UBE4B: variants seen among roughly 807,000 people sequenced by gnomAD.
The protein encoded by UBE4B is ubiquitination factor E4B.
Under a neutral mutation model 148.1 loss-of-function variants are expected in UBE4B, and 27 were observed. The observed-to-expected ratio is 0.18, with a 90% CI of 0.13 to 0.25. The LOEUF (loss-of-function observed/expected upper bound fraction) is 0.25, where lower values mean the gene tolerates loss of function less well. UBE4B is among the 10% of genes least tolerant of loss of function. UBE4B has a pLI of 1.00. For missense variants in UBE4B, 1,170 were observed against 1,662.4 expected, an observed-to-expected ratio of 0.70 and a Z score of 5.15; for synonymous variants, 596 against 619.3, an observed-to-expected ratio of 0.96 and a Z score of 0.56.
At chr1:10,175,598 C>T (rs983224999) in intron 25 of UBE4B, among the ~76,000 whole-genome samples, 1 of 151,976 alleles carries the variant, frequency 6.6e-6, no homozygotes, top group African/African-American at 2.4e-5. Flanking sequence ...TTGCAGTGAG[C>T]CGAGATCGCG....
At chr1:10,093,972 G>T (rs548386245) in intron 2 of UBE4B, among the ~76,000 whole-genome samples, 1 of 152,240 alleles carries the variant, frequency 6.6e-6, no homozygotes, top group Admixed American at 6.5e-5. Context: ...TGAGATTACA[G>T]GCGTGAGCCA....
chr1:10,175,867 A>G (rs1646422124), intron 25 of UBE4B, among the ~76,000 whole-genome samples: 1 of 152,066 alleles, frequency 6.6e-6, no homozygotes, highest in Non-Finnish European at 1.5e-5. Flanking sequence ...AGAAGTAACC[A>G]TTTAAAAGTG....
rs1646292194 is a variant in UBE4B, at chr1:10,168,687, T to C, written c.3333+417T>C. Among the ~76,000 whole-genome samples, 1 of 152,098 alleles carries C rather than the reference T, an allele frequency of 6.6e-6. No individual in the cohort carries two copies. The highest frequency in any genetic ancestry group is 1.5e-5 in the Non-Finnish European group (1 of 67,994). On this transcript the variant is annotated intron_variant, in intron 24 of 27. Coordinates refer to ENST00000343090, the MANE Select transcript of UBE4B (RefSeq NM_001105562.3). This position sits in a 1 kb window ranked among gnomAD's most constrained non-coding sequence, Gnocchi z 4.9. ...GCGGGCAGATCACGAGGTCAGGAGA[T>C]GGAGACCATCCTGGCTAACACAGTG...
At chr1:10,102,852 C>A in intron 4 of UBE4B, 96 bp from the exon 5 acceptor site, 1 of 1,304,644 alleles carries the variant, frequency 7.7e-7, no homozygotes, top group African/African-American at 1.5e-5. Flanking sequence ...AATATCATCA[C>A]TAATAATGAA....
chr1:10,098,360 G>A (rs561647494), intron 3 of UBE4B, among the ~76,000 whole-genome samples: 1 of 152,102 alleles, frequency 6.6e-6, no homozygotes, highest in East Asian at 1.9e-4. Flanking sequence ...TTAATTCATG[G>A]TAATAAGAAA....
At chr1:10,054,589 C>G (rs1644123288) in intron 1 of UBE4B, 2 of 267,828 alleles carry the variant, frequency 7.5e-6, no homozygotes. Context: ...TGATGCTGGC[C>G]TTTAGAGCGC....
intron 19 of UBE4B, among the ~76,000 whole-genome samples, chr1:10,148,193 C>T (rs1429261082): frequency 6.6e-6 from 1 of 150,652 alleles, no homozygotes; most frequent in Admixed American, 6.6e-5. Context: ...CGTCTCTGCA[C>T]TCCAGCCTGG....
At position 10,129,418 on chromosome 1, in the gene UBE4B, G is replaced by A. The variant is rs1225435242; in HGVS notation, c.1665G>A (p.Lys555=). 1 of 1,612,566 alleles carries A rather than the reference G, an allele frequency of 6.2e-7. No homozygotes were observed. Among genetic ancestry groups the A allele is most frequent in the South Asian group, 1.1e-5 (1 of 91,008 alleles). Residue 555 remains lysine, a synonymous_variant, in exon 12 of 28, where the codon AAG becomes AAA. Transcript: ENST00000343090. ...CACTAGGTGAGCTCTGTGAAACCAA[G>A]TTTGGGAAGACACACCCTGTGTGCA... ...LMALGELCET[K]FGKTHPVCNL...
At chr1:10,122,752 A>G (rs1265171442) in intron 10 of UBE4B, among the ~76,000 whole-genome samples, 1 of 152,214 alleles carries the variant, frequency 6.6e-6, no homozygotes, top group African/African-American at 2.4e-5. Context: ...CTGTCACACA[A>G]GTTTTTTCCC....
At chr1:10,044,436 C>T (rs1031257779) in intron 1 of UBE4B, among the ~76,000 whole-genome samples, 10 of 152,000 alleles carry the variant, frequency 6.6e-5, no homozygotes, top group Admixed American at 2.0e-4. Flanking sequence ...GGACTGGTTT[C>T]GTAGAAGACA....
chr1:10,097,637 C>T (rs547150980), intron 3 of UBE4B, among the ~76,000 whole-genome samples: 1 of 152,048 alleles, frequency 6.6e-6, no homozygotes, highest in African/African-American at 2.4e-5. Flanking sequence ...TGTTGAAACC[C>T]CGTATCTACT....
chr1:10,090,829 GTGTA>G (rs1644836730), intron 2 of UBE4B, among the ~76,000 whole-genome samples: 1 of 150,728 alleles, frequency 6.6e-6, no homozygotes, highest in Admixed American at 6.6e-5. Flanking sequence ...GTGTGTGTGT[GTGTA>G]ATACTGGAAC....
At chr1:10,103,632 GT>G (rs1186811301) in intron 5 of UBE4B, among the ~76,000 whole-genome samples, 158 of 106,502 alleles carry the variant, frequency 1.5e-3, no homozygotes, top group African/African-American at 3.4e-3. Context: ...TTTTGTTTTT[GT>G]TTTTTTTTTT....
Position 10,102,990 on chromosome 1 carries a change from C to A in UBE4B, c.478C>A (p.Gln160Lys), listed in dbSNP as rs372027851. The A allele has an allele frequency of 6.8e-6, 11 of 1,613,714 alleles. No individual in the cohort carries two copies. The highest frequency in any genetic ancestry group is 1.7e-6 in the Non-Finnish European group (2 of 1,179,860). Reference sequence around the variant, plus strand: ...TGAAGTGTCTGAAGAGCAGGCCTTACAGCTGGTCTGTAAGATCTTCCGTGT... The same window carrying A: ...TGAAGTGTCTGAAGAGCAGGCCTTAAAGCTGGTCTGTAAGATCTTCCGTGT... Reference protein sequence around the residue: ...GPEVSEEQALQLVCKIFRVSW... With the variant: ...GPEVSEEQALKLVCKIFRVSW... Residue 160 changes from glutamine (Q) to lysine (K), a missense_variant, in exon 5 of 28, where the codon CAG (glutamine) becomes AAG (lysine). Physicochemically the swap from Gln to Lys is moderately conservative, Grantham distance 53 (BLOSUM62 1). This residue lies in a region of UBE4B where 91 missense variants were observed against 120.5 expected (regional missense o/e 0.76). Transcript: ENST00000343090.
chr1:10,033,543 A>T lies in UBE4B; in HGVS notation c.-128A>T. ...TTATTTTTTAACCTCTGACTATGCA[A>T]TTCTGAAACCTCCCCCATTCGGGGG... On this transcript the variant is annotated 5_prime_UTR_variant, in exon 1 of 28. Coordinates refer to ENST00000343090, the MANE Select transcript of UBE4B (RefSeq NM_001105562.3). 1 of 1,193,256 alleles carries T rather than the reference A, an allele frequency of 8.4e-7. No individual in the cohort carries two copies. The highest frequency in any genetic ancestry group is 2.5e-4 in the Middle Eastern group (1 of 4,012). The allele number at this position is 1,193,256 out of a possible 1,614,324, so 73.9% of individuals were successfully genotyped here.
intron 10 of UBE4B, among the ~76,000 whole-genome samples, chr1:10,122,508 C>A (rs1428940275): frequency 6.6e-6 from 1 of 152,228 alleles, no homozygotes; most frequent in African/African-American, 2.4e-5. Context: ...CATATAGAAT[C>A]TTTGTCTTCT....
At chr1:10,179,183 T>G (rs1405637079) in intron 26 of UBE4B, 3 of 555,054 alleles carry the variant, frequency 5.4e-6, no homozygotes, top group African/African-American at 3.8e-5. Context: ...TCCCAGGCTT[T>G]CTTCTCTGTT....
intron 21 of UBE4B, among the ~76,000 whole-genome samples, chr1:10,153,490 TAAAAA>T (rs1045427991): frequency 6.1e-5 from 3 of 49,216 alleles, no homozygotes; most frequent in African/African-American, 2.6e-4. Context: ...ACCCTGTTTC[TAAAAA>T]AAAAAAAAAA....
At chr1:10,095,345 G>A (rs894763735) in intron 2 of UBE4B, 116 bp from the exon 3 acceptor site, 16 of 1,213,000 alleles carry the variant, frequency 1.3e-5, no homozygotes, top group Middle Eastern at 2.0e-4. Context: ...GAAATTCCTC[G>A]GTTGCTGCAA....
Sources: gnomAD v4.1 joint callset for allele counts (sites outside exome capture counted in the v4.1 genomes callset) on GRCh38, gnomAD v4.1.1 for gene constraint, gnomAD v4.1.1 regional missense constraint, Gnocchi (gnomAD v3.1) non-coding constraint, MANE v1.5 for transcripts, NCBI Gene and HGNC (gene_info 2026-07-23, HGNC 2026-07-21) for gene names.